The following CSMD2 variants were observed in gnomAD, a reference collection of about 807,000 sequenced individuals.
The protein encoded by CSMD2 is CUB and sushi domain-containing protein 2.
In CSMD2, 130 loss-of-function variants were observed where a neutral mutation model predicts 398.5. That is an observed-to-expected ratio of 0.33 (90% CI 0.28 to 0.38). The LOEUF is 0.38. Ranked by LOEUF, CSMD2 falls within the 10% of genes least tolerant of loss-of-function variation. The pLI is 1.00. For missense variants in CSMD2, 3,829 were observed against 4,764.9 expected, an observed-to-expected ratio of 0.80 and a Z score of 5.78; for synonymous variants, 1,828 against 1,908.5, an observed-to-expected ratio of 0.96 and a Z score of 1.10.
intron 3 of CSMD2, among the ~76,000 whole-genome samples, chr1:34,002,236 G>A (rs1301262494): frequency 6.6e-6 from 1 of 152,186 alleles, no homozygotes; most frequent in Non-Finnish European, 1.5e-5. Context: ...GTTGAATTGT[G>A]AGTAGTGATT....
chr1:34,068,581 T>C (rs72882680), intron 2 of CSMD2, among the ~76,000 whole-genome samples: 4,903 of 152,306 alleles, frequency 0.032, 101 homozygotes, highest in Middle Eastern at 0.092. Context: ...TTTGTTATTT[T>C]TTAACTTAAA....
In CSMD2 at chr1:33,635,765, C is replaced by T. The variant is rs1046069408; in HGVS notation, c.4970-435G>A. On this transcript the variant is annotated intron_variant, in intron 30 of 70. Transcript: ENST00000373381. The surrounding 1 kb of genome is among the most constrained non-coding windows in gnomAD (Gnocchi z 5.0). Reference sequence around the variant, plus strand: ...CCCGGACTAACCCCATGGGGAGTGGCCAGCCCATGTGACCCAGCCACCTTC... The same window carrying T: ...CCCGGACTAACCCCATGGGGAGTGGTCAGCCCATGTGACCCAGCCACCTTC... 6.6e-6 allele frequency among the ~76,000 whole-genome samples: 1 copy of T among 152,148 alleles called. No individual in the cohort carries two copies. The highest frequency in any genetic ancestry group is 2.4e-5 in the African/African-American group (1 of 41,426).
chr1:34,116,119 G>A (rs564153670), intron 1 of CSMD2, among the ~76,000 whole-genome samples: 81 of 152,130 alleles, frequency 5.3e-4, no homozygotes, highest in African/African-American at 1.8e-3. Flanking sequence ...TACTTTCGAT[G>A]TAAATGGATT....
At chr1:33,803,589 A>C (rs1280879737) in intron 10 of CSMD2, among the ~76,000 whole-genome samples, 3 of 152,172 alleles carry the variant, frequency 2.0e-5, no homozygotes, top group Non-Finnish European at 2.9e-5. Flanking sequence ...TTGGGATACA[A>C]TATTGAATAA....
rs937073968 is a variant in CSMD2 at position 33,567,596 on chromosome 1, C to T, written c.8377G>A (p.Val2793Met). The change falls in exon 53 of 71, where the codon GTG becomes ATG. Residue 2793 changes from valine to methionine, a missense_variant. Around this residue, in one of 5 missense-constraint regions of CSMD2, gnomAD observed 917 missense variants for 1,199.5 expected, o/e 0.76. Transcript: ENST00000373381. ...GGAGAGTGGATGACATACTTACGCACACAGAAAGGGGTCTTGCCCGACCAG... is the reference window on the plus strand; with the variant it reads ...GGAGAGTGGATGACATACTTACGCATACAGAAAGGGGTCTTGCCCGACCAG... Reference protein sequence around the residue: ...HHWSGKTPFCVPITCGHPGNP... With the variant: ...HHWSGKTPFCMPITCGHPGNP... 5 of 1,614,044 alleles carry T rather than the reference C, an allele frequency of 3.1e-6. No homozygotes were observed. Among genetic ancestry groups the T allele is most frequent in the Non-Finnish European group, 4.2e-6 (5 of 1,179,998 alleles).
At position 33,733,288 on chromosome 1, in the gene CSMD2, C is replaced by G. The variant is rs76013679; in HGVS notation, c.2368+5852G>C. ...CCCACTACCCACCTGTGCCCCTTACCACCTGTCTTCCACTGTTTTGTGGTA... is the reference window on the plus strand; with the variant it reads ...CCCACTACCCACCTGTGCCCCTTACGACCTGTCTTCCACTGTTTTGTGGTA... On this transcript the variant is annotated intron_variant, in intron 15 of 70. Coordinates refer to ENST00000373381, the MANE Select transcript of CSMD2 (RefSeq NM_001281956.2). Among the ~76,000 whole-genome samples the G allele has an allele frequency of 1.8e-3, 274 of 152,278 alleles. 9 individuals are homozygous for G. The East Asian group carries it at 0.039, about 22-fold the overall frequency.
At chr1:33,642,467 C>G (rs1447132688) in intron 29 of CSMD2, among the ~76,000 whole-genome samples, 1 of 151,946 alleles carries the variant, frequency 6.6e-6, no homozygotes, top group Non-Finnish European at 1.5e-5. Context: ...GAAAATTGAT[C>G]TGCAGGGAGG....
chr1:33,837,101 T>C (rs552834834), intron 6 of CSMD2, among the ~76,000 whole-genome samples: 1 of 152,300 alleles, frequency 6.6e-6, no homozygotes, highest in Admixed American at 6.5e-5. Context: ...GAGTTATATA[T>C]AGCCATCTTG....
chr1:34,046,951 AG>A (rs1448980262), intron 2 of CSMD2, among the ~76,000 whole-genome samples: 2 of 152,160 alleles, frequency 1.3e-5, no homozygotes, highest in Non-Finnish European at 2.9e-5. Context: ...CAATTACTGC[AG>A]TAACCTCCTA....
Position 33,633,600 on chromosome 1 carries a change from G to T in CSMD2, c.5087-65C>A. The stretch of plus-strand genomic sequence containing the variant: ...TGGGGGCAGGAGAGGGGATCTAGGG[G>T]TCTAGGGGCCCAAGCCAGGAGGAGG... On this transcript the variant is annotated intron_variant, in intron 31 of 70. Coordinates refer to ENST00000373381, the MANE Select transcript of CSMD2 (RefSeq NM_001281956.2). This position sits in a 1 kb window ranked among gnomAD's most constrained non-coding sequence, Gnocchi z 5.0. 1.6e-6 allele frequency: 2 copies of T among 1,266,432 alleles called. No homozygotes were observed. The highest frequency in any genetic ancestry group is 2.3e-6 in the Non-Finnish European group (2 of 888,496). The allele number at this position is 1,266,432 out of a possible 1,614,324, so 78.4% of individuals were successfully genotyped here. A position where few individuals can be genotyped will look rare whatever the true frequency, so the allele number is the denominator to read the frequency against.
chr1:34,079,523 G>A (rs1284693976), intron 2 of CSMD2, among the ~76,000 whole-genome samples: 2 of 151,974 alleles, frequency 1.3e-5, no homozygotes, highest in Non-Finnish European at 2.9e-5. Context: ...GAAGAGGAAC[G>A]ATAACATGTT....
chr1:34,000,160 C>T (rs1028386362), intron 3 of CSMD2, among the ~76,000 whole-genome samples: 1 of 152,100 alleles, frequency 6.6e-6, no homozygotes, highest in African/African-American at 2.4e-5. Context: ...CTCAGACCTT[C>T]AGCGAAATTT....
chr1:33,666,022 C>A (rs1644304839), intron 25 of CSMD2, among the ~76,000 whole-genome samples: 1 of 152,124 alleles, frequency 6.6e-6, no homozygotes, highest in African/African-American at 2.4e-5. Context: ...GCTGAAGAAT[C>A]CTGATTCTCC....
intron 40 of CSMD2, among the ~76,000 whole-genome samples, chr1:33,612,654 T>C (rs528166313): frequency 1.3e-3 from 199 of 152,078 alleles, no homozygotes; most frequent in African/African-American, 4.7e-3. Context: ...ATGCAGATTG[T>C]TTCCAAGTTG....
intron 13 of CSMD2, among the ~76,000 whole-genome samples, chr1:33,759,319 T>C (rs551458896): frequency 0.022 from 2,842 of 129,476 alleles, 52 homozygotes; most frequent in South Asian, 0.039. Flanking sequence ...CTTTTCTTTT[T>C]TTTTCTTTTT....
At chr1:33,886,578 G>T (rs973688956) in intron 5 of CSMD2, among the ~76,000 whole-genome samples, 1 of 152,282 alleles carries the variant, frequency 6.6e-6, no homozygotes, top group East Asian at 1.9e-4. Flanking sequence ...AGTGCTGCTT[G>T]TTCCTCTGCC....
In CSMD2 at chr1:33,891,754, A is replaced by G. The variant is rs1176602414; in HGVS notation, c.920+26340T>C. ...AAGAGTTCATGTCCTTTGTAGGGAC[A>G]TGGATGAAATTGGAAATCATCATTC... On this transcript the variant is annotated intron_variant, in intron 5 of 70. Transcript: ENST00000373381. Among the ~76,000 whole-genome samples, 6 of 151,964 alleles carry G rather than the reference A, an allele frequency of 3.9e-5. No individual in the cohort carries two copies. The South Asian group carries it at 1.0e-3, about 26-fold the overall frequency.
chr1:33,993,202 T>C (rs1415014618), intron 3 of CSMD2, among the ~76,000 whole-genome samples: 1 of 152,182 alleles, frequency 6.6e-6, no homozygotes, highest in Non-Finnish European at 1.5e-5. Context: ...ATGAACCCTA[T>C]AAACCTCTGA....
chr1:34,107,610 A>G (rs1015776348), intron 1 of CSMD2, among the ~76,000 whole-genome samples: 5 of 152,138 alleles, frequency 3.3e-5, no homozygotes, highest in African/African-American at 9.7e-5. Context: ...CCACTACTCT[A>G]TCATAGATGA....
Sources: allele counts gnomAD v4.1 joint callset (sites outside exome capture counted in the v4.1 genomes callset), GRCh38; gene constraint gnomAD v4.1.1; regional missense constraint gnomAD v4.1.1; non-coding constraint Gnocchi (gnomAD v3.1); transcripts MANE v1.5; gene names NCBI Gene and HGNC (gene_info 2026-07-23, HGNC 2026-07-21).